Variants in GLOD4 observed in about 807,000 individuals in gnomAD.
GLOD4 encodes the protein glyoxalase domain-containing protein 4.
A neutral mutation model predicts 39.1 loss-of-function variants in GLOD4; 44 were observed. The observed-to-expected ratio is 1.13, with a 90% confidence interval of 0.88 to 1.45. The LOEUF (loss-of-function observed/expected upper bound fraction) is 1.45. Ranked by LOEUF, GLOD4 falls within the 40% of genes most tolerant of loss-of-function variation. The pLI is 0.00. For missense variants in GLOD4, 405 were observed against 366.4 expected (o/e 1.11, Z -0.86); for synonymous variants, 145 against 135.0 (o/e 1.07, Z -0.52).
chr17:782,288 G>C (rs758118005), upstream of GLOD4: 2 of 1,611,292 alleles, frequency 1.2e-6, no homozygotes, highest in South Asian at 1.1e-5. Context: ...CACGCGCACC[G>C]TACAGCCCAG....
upstream of GLOD4, chr17:782,326 G>A (rs1298450146): frequency 3.1e-6 from 5 of 1,611,712 alleles, no homozygotes; most frequent in South Asian, 1.1e-5. Context: ...GGGCCGTGAC[G>A]TCACTAGCCG....
At position 771,389 on chromosome 17, in the gene GLOD4, C is replaced by G. The variant is rs750700801; in HGVS notation, c.479G>C (p.Gly160Ala). ...KSLNYWCNLL[G>A]MKIYEKDEEK... Reference sequence around the variant, plus strand: ...TTCATCTTTTTCATAAATTTTCATTCCCAGTAGATTACACCAGTAGTTCAA... The same window carrying G: ...TTCATCTTTTTCATAAATTTTCATTGCCAGTAGATTACACCAGTAGTTCAA... Residue 160 changes from glycine to alanine, a missense_variant, in exon 5 of 9, where the codon GGA (glycine) becomes GCA (alanine). Coordinates refer to ENST00000301329, the MANE Select transcript of GLOD4 (RefSeq NM_016080.4). 6.3e-7 allele frequency: 1 copy of G among 1,591,290 alleles called. No homozygotes were observed. Among genetic ancestry groups the G allele is most frequent in the East Asian group, 2.2e-5 (1 of 44,646 alleles).
chr17:772,274 G>A (rs369829972), intron 4 of GLOD4, among the ~76,000 whole-genome samples: 5 of 150,738 alleles, frequency 3.3e-5, no homozygotes, highest in African/African-American at 1.2e-4. Flanking sequence ...TAATCATTTG[G>A]TAAGAAAAAC....
chr17:781,926 T>TAA (rs1910030458), intron 1 of GLOD4: 1 of 511,702 alleles, frequency 2.0e-6, no homozygotes, highest in African/African-American at 1.9e-5. Flanking sequence ...ACGAGTGGCT[T>TAA]AAATGAAAGG....
intron 8 of GLOD4, among the ~76,000 whole-genome samples, chr17:766,171 G>A (rs928671041): frequency 4.0e-5 from 6 of 151,768 alleles, no homozygotes; most frequent in African/African-American, 7.3e-5. Flanking sequence ...GGTGGCGCAC[G>A]CCTATGGTTC....
chr17:771,743 G>C (rs1304957135), intron 4 of GLOD4, among the ~76,000 whole-genome samples: 1 of 152,224 alleles, frequency 6.6e-6, no homozygotes, highest in Non-Finnish European at 1.5e-5. Context: ...GGTGGCTGAT[G>C]CCTGTAATCC....
chr17:764,335 C>T (rs1245360118), intron 8 of GLOD4: 1 of 152,200 alleles, frequency 6.6e-6, no homozygotes, highest in African/African-American at 2.4e-5. Context: ...CCAATGAAAC[C>T]ATTTCGCATG....
chr17:765,111 G>C (rs1906285161), intron 8 of GLOD4: 1 of 151,086 alleles, frequency 6.6e-6, no homozygotes, highest in Non-Finnish European at 1.5e-5. Context: ...TGAAGTCCAA[G>C]AACGAACTCA....
chr17:781,633 T>G (rs1909969804), intron 1 of GLOD4, among the ~76,000 whole-genome samples: 1 of 152,108 alleles, frequency 6.6e-6, no homozygotes, highest in South Asian at 2.1e-4. Context: ...AACTGAATCC[T>G]GCAAATAACA....
In GLOD4 at chr17:779,781, G is replaced by A. The variant is rs527915925; in HGVS notation, c.91-1037C>T. ...ATCTCACAGAACCCTGCACACAGCG[G>A]GCTCTCAACGTGTTAGCTTTAGCCC... On this transcript the variant is annotated intron_variant, in intron 1 of 8. Transcript: ENST00000301329. Among the ~76,000 whole-genome samples, 3 of 152,312 alleles carry A rather than the reference G, an allele frequency of 2.0e-5. No homozygotes were observed. The South Asian group carries it at 6.2e-4, about 32-fold the overall frequency.
upstream of GLOD4, chr17:783,117 CG>C (rs1567798151): frequency 6.8e-6 from 11 of 1,613,396 alleles, no homozygotes; most frequent in Non-Finnish European, 9.3e-6. Context: ...CAGGCCATTT[CG>C]GGAAAAACAA....
intron 1 of GLOD4, chr17:781,921 T>C (rs1910029545): frequency 2.0e-6 from 1 of 490,100 alleles, no homozygotes; most frequent in African/African-American, 2.0e-5. Flanking sequence ...CGTTTACGAG[T>C]GGCTTAAATG....
At position 779,319 on chromosome 17, in the gene GLOD4, TAAAAAAAAAAAAAAA is replaced by T. The variant is rs34487169; in HGVS notation, c.91-590_91-576del. Reference sequence around the variant, plus strand: ...ACAAGAGCAAAATTCCATCTCAAATTAAAAAAAAAAAAAAAAAAAAAAAAAAAAAGATGGGCATCG... The same window carrying T: ...ACAAGAGCAAAATTCCATCTCAAATTAAAAAAAAAAAAAAGATGGGCATCG... On this transcript the variant is annotated intron_variant, in intron 1 of 8. Coordinates refer to ENST00000301329, the MANE Select transcript of GLOD4 (RefSeq NM_016080.4). 9.2e-5 allele frequency among the ~76,000 whole-genome samples: 4 copies of T among 43,372 alleles called. No homozygotes were observed. The Admixed American group carries it at 1.3e-3, about 14-fold the overall frequency. The allele number at this position is 43,372 out of a possible 152,430, so 28.5% of individuals were successfully genotyped here. A position where few individuals can be genotyped will look rare whatever the true frequency, so the allele number is the denominator to read the frequency against.
At chr17:769,768 G>A in intron 8 of GLOD4, 101 bp downstream of exon 8, 1 of 788,440 alleles carries the variant, frequency 1.3e-6, no homozygotes, top group Non-Finnish European at 2.2e-6. Context: ...ACGTGGTTCT[G>A]ACATTAAGAA....
upstream of GLOD4, chr17:782,639 G>C (rs1400835177): frequency 6.2e-7 from 1 of 1,613,498 alleles, no homozygotes; most frequent in East Asian, 2.2e-5. Flanking sequence ...CCAGCACCTG[G>C]GAAGAGTCTG....
rs1444997043 is a variant in GLOD4 at position 770,151 on chromosome 17, C to G, written c.637G>C (p.Asp213His). 1 of 1,599,922 alleles carries G rather than the reference C, an allele frequency of 6.3e-7. No homozygotes were observed. The highest frequency in any genetic ancestry group is 8.6e-7 in the Non-Finnish European group (1 of 1,167,706). The change falls in exon 7 of 9, where the codon GAC becomes CAC. Residue 213 changes from aspartate to histidine, a missense_variant. Asp to His is a moderately conservative substitution (Grantham distance 81). Coordinates refer to ENST00000301329, the MANE Select transcript of GLOD4 (RefSeq NM_016080.4). ...TCCCTTTTCATCAAGTCTTCTAAGT[C>G]TGGCAACTTGAGGAAAACAGAGGCA... The part of the protein sequence containing the change: ...AFSCPQKELP[D>H]LEDLMKRENQ...
At position 778,687 on chromosome 17, in the gene GLOD4, T is replaced by G. The variant is rs149729954; in HGVS notation, c.140+8A>C. 132 of 1,508,058 alleles carry G rather than the reference T, an allele frequency of 8.8e-5. 1 individual carries two copies. In the East Asian group the frequency reaches 2.6e-3, roughly 30 times the overall value. The allele number at this position is 1,508,058 out of a possible 1,614,324, so 93.4% of individuals were successfully genotyped here. A position where few individuals can be genotyped will look rare whatever the true frequency, so the allele number is the denominator to read the frequency against. On this transcript the variant is annotated splice_region_variant and intron_variant, in intron 2 of 8. Transcript: ENST00000301329. ...CTAAAGGAGATTTTAAGAAACAAGGTATCATACCCATTACAGGCAGCTTTG... is the reference window on the plus strand; with the variant it reads ...CTAAAGGAGATTTTAAGAAACAAGGGATCATACCCATTACAGGCAGCTTTG...
chr17:760,549 C>T (rs991533487), intron 8 of GLOD4, among the ~76,000 whole-genome samples: 1 of 152,148 alleles, frequency 6.6e-6, no homozygotes, highest in Non-Finnish European at 1.5e-5. Context: ...GGCGGACCAA[C>T]GAGGTCAGGG....
intron 8 of GLOD4, among the ~76,000 whole-genome samples, chr17:767,611 TGAGA>T (rs1215378916): frequency 7.4e-6 from 1 of 134,504 alleles, no homozygotes; most frequent in Non-Finnish European, 1.5e-5. Context: ...AGAGAGGACG[TGAGA>T]GAGAGAAACA....
Sources: gnomAD v4.1 joint callset for allele counts (sites outside exome capture counted in the v4.1 genomes callset) on GRCh38, gnomAD v4.1.1 for gene constraint, MANE v1.5 for transcripts, NCBI Gene and HGNC (gene_info 2026-07-23, HGNC 2026-07-21) for gene names.